Variants in C1orf185 observed in about 807,000 individuals in gnomAD.
The protein encoded by C1orf185 is chromosome 1 open reading frame 185.
C1orf185 carries 13 observed loss-of-function variants against 16.1 expected under a neutral mutation model. The observed-to-expected ratio is 0.81, with a 90% CI of 0.53 to 1.28. The LOEUF is 1.28. Among genes scored for constraint, C1orf185 ranks in the 50% most tolerant of loss-of-function variants. The pLI, the probability that C1orf185 is intolerant of heterozygous loss-of-function variation, is 0.00. For missense variants in C1orf185, 220 were observed against 225.2 expected (o/e 0.98, Z 0.15); for synonymous variants, 80 against 76.9 (o/e 1.04, Z -0.21).
chr1:51,108,772 A>T (rs1313072800), intron 1 of C1orf185, among the ~76,000 whole-genome samples: 2 of 152,042 alleles, frequency 1.3e-5, no homozygotes, highest in Non-Finnish European at 2.9e-5. Context: ...ACTGAATAAT[A>T]CTCCATTGTG....
At chr1:51,103,410 A>AACAC (rs367808687) in intron 1 of C1orf185, among the ~76,000 whole-genome samples, 3,433 of 128,864 alleles carry the variant, frequency 0.027, 56 homozygotes, top group African/African-American at 0.047. Flanking sequence ...TGTCTCGAAA[A>AACAC]ACACACACAC....
intron 3 of C1orf185, among the ~76,000 whole-genome samples, chr1:51,122,750 C>T (rs1646207024): frequency 1.3e-5 from 2 of 152,188 alleles, no homozygotes; most frequent in African/African-American, 2.4e-5. Context: ...TTATCCCTCC[C>T]TCTGCTCTAA....
intron 3 of C1orf185, among the ~76,000 whole-genome samples, chr1:51,122,837 T>C (rs1010321807): frequency 6.6e-6 from 1 of 152,214 alleles, no homozygotes; most frequent in Non-Finnish European, 1.5e-5. Flanking sequence ...GTCATATAGT[T>C]GGAATCACAC....
At chr1:51,111,681 G>A (rs539244800) in intron 1 of C1orf185, among the ~76,000 whole-genome samples, 5 of 152,120 alleles carry the variant, frequency 3.3e-5, no homozygotes, top group Admixed American at 6.5e-5. Flanking sequence ...CACCATGCCC[G>A]GCTAATTTCT....
intron 3 of C1orf185, among the ~76,000 whole-genome samples, chr1:51,127,560 A>G (rs1055332090): frequency 3.3e-5 from 5 of 152,202 alleles, no homozygotes; most frequent in Non-Finnish European, 7.3e-5. Context: ...TGCTGGGGTT[A>G]CAGGTGTGAG....
At chr1:51,140,041 T>C in intron 3 of C1orf185, among the ~76,000 whole-genome samples, 1 of 152,146 alleles carries the variant, frequency 6.6e-6, no homozygotes, top group South Asian at 2.1e-4. Flanking sequence ...TAGTCAAGCT[T>C]GATGTCAGTG....
rs1646411837 is a variant in C1orf185, at chr1:51,147,887, A to G, written c.*116A>G. On this transcript the variant is annotated 3_prime_UTR_variant, in exon 5 of 5. Transcript: ENST00000371759. ...TTTTTCTTTTGAAACCTTGTATACA[A>G]TCAGCTTCTGAGTCTCTTAACATGT... 1 of 951,084 alleles carries G rather than the reference A, an allele frequency of 1.1e-6. No individual in the cohort carries two copies. The highest frequency in any genetic ancestry group is 2.7e-5 in the East Asian group (1 of 37,420). The allele number at this position is 951,084 out of a possible 1,614,324, so 58.9% of individuals were successfully genotyped here.
At chr1:51,148,758 C>A (rs964853300), downstream of C1orf185, among the ~76,000 whole-genome samples, 10 of 151,940 alleles carry the variant, frequency 6.6e-5, no homozygotes, top group Admixed American at 1.3e-4. Context: ...GAGACCCAGT[C>A]TCTACAGAAA....
intron 3 of C1orf185, among the ~76,000 whole-genome samples, chr1:51,133,440 G>A (rs1646300104): frequency 6.6e-6 from 1 of 152,154 alleles, no homozygotes; most frequent in Non-Finnish European, 1.5e-5. Context: ...AACCAGCAAA[G>A]ATTTTAAAAA....
chr1:51,110,546 A>G (rs1027723924), intron 1 of C1orf185, among the ~76,000 whole-genome samples: 1 of 152,184 alleles, frequency 6.6e-6, no homozygotes, highest in Non-Finnish European at 1.5e-5. Context: ...TTATCATGTC[A>G]TATTCTTAGT....
intron 1 of C1orf185, among the ~76,000 whole-genome samples, chr1:51,103,410 AACACACACAC>A (rs367808687): frequency 2.5e-4 from 32 of 128,920 alleles, no homozygotes; most frequent in South Asian, 7.9e-4. Flanking sequence ...TGTCTCGAAA[AACACACACAC>A]ACACACACAC....
intron 3 of C1orf185, among the ~76,000 whole-genome samples, chr1:51,122,962 A>G (rs1303166450): frequency 6.6e-6 from 1 of 152,200 alleles, no homozygotes. Flanking sequence ...TGCTCATACC[A>G]GAATACCTGA....
Position 51,112,716 on chromosome 1 carries a change from G to A in C1orf185, c.122+147G>A, listed in dbSNP as rs993520027. On this transcript the variant is annotated intron_variant, in intron 2 of 4. Coordinates refer to ENST00000371759, the MANE Select transcript of C1orf185 (RefSeq NM_001136508.2). ...GTTATAGACCCTTTGGTTGGGGACG[G>A]AAGGCTTTACATTTTTTAAGTAGCC... The A allele has an allele frequency of 2.5e-5, 16 of 641,782 alleles. No homozygotes were observed. The African/African-American group carries it at 3.0e-4, about 12-fold the overall frequency. 39.8% of individuals were successfully genotyped at this position (641,782 alleles called of 1,614,324 possible). A position where few individuals can be genotyped will look rare whatever the true frequency, so the allele number is the denominator to read the frequency against.
intron 1 of C1orf185, among the ~76,000 whole-genome samples, chr1:51,107,000 G>C (rs779151310): frequency 6.6e-6 from 1 of 151,994 alleles, no homozygotes; most frequent in Non-Finnish European, 1.5e-5. Flanking sequence ...CTTGTGATCC[G>C]CCCACCTCAG....
intron 3 of C1orf185, among the ~76,000 whole-genome samples, chr1:51,120,079 G>A (rs1646186595): frequency 6.6e-6 from 1 of 152,054 alleles, no homozygotes; most frequent in Non-Finnish European, 1.5e-5. Flanking sequence ...AGAGAACAAA[G>A]GACATCTCAT....
downstream of C1orf185, chr1:51,148,208 T>G (rs1646413605): frequency 6.5e-6 from 1 of 153,600 alleles, no homozygotes; most frequent in African/African-American, 2.4e-5. Flanking sequence ...ACTGCAACCT[T>G]CACCTCCAGG....
downstream of C1orf185, among the ~76,000 whole-genome samples, chr1:51,149,428 G>A (rs1359588144): frequency 6.6e-6 from 1 of 152,098 alleles, no homozygotes; most frequent in African/African-American, 2.4e-5. Context: ...GCGTGCTATG[G>A]GTTCTAGCAC....
chr1:51,131,729 T>C (rs1646286821), intron 3 of C1orf185, among the ~76,000 whole-genome samples: 1 of 152,206 alleles, frequency 6.6e-6, no homozygotes, highest in Non-Finnish European at 1.5e-5. Flanking sequence ...ACTTTCTACA[T>C]TTAAACCTAA....
At chr1:51,151,577 C>G (rs1191261738), downstream of C1orf185, among the ~76,000 whole-genome samples, 1 of 152,196 alleles carries the variant, frequency 6.6e-6, no homozygotes, top group South Asian at 2.1e-4. Context: ...GGAATGTTTA[C>G]TGGAAGCTGT....
Sources: allele counts gnomAD v4.1 joint callset (sites outside exome capture counted in the v4.1 genomes callset), GRCh38; gene constraint gnomAD v4.1.1; transcripts MANE v1.5; gene names NCBI Gene and HGNC (gene_info 2026-07-23, HGNC 2026-07-21).